Variants in PLPPR5 observed in about 807,000 individuals in gnomAD.
PLPPR5 encodes the protein phospholipid phosphatase related 5, also known as phospholipid phosphatase-related protein type 5.
Under a neutral mutation model 33.9 loss-of-function variants are expected in PLPPR5, and 16 were observed. That is an observed-to-expected ratio of 0.47 (90% CI 0.32 to 0.72). The LOEUF is 0.72. Among genes scored for constraint, PLPPR5 ranks in the 30% least tolerant of loss-of-function variants. The probability of loss-of-function intolerance (pLI) is 0.03; values close to 1 mark genes in which losing one functional copy is unlikely to be tolerated. For synonymous variants in PLPPR5, 163 were observed against 150.3 expected, an observed-to-expected ratio of 1.08 and a Z score of -0.62; for missense variants, 301 against 406.7, an observed-to-expected ratio of 0.74 and a Z score of 2.23.
chr1:98,941,347 G>C lies in PLPPR5; in HGVS notation c.621+11723C>G, dbSNP rs576678014. ...AAGACAAGGATCTGAAGAGGCTCTT[G>C]ATAAGATCTGGGGGATGAGGTCTGA... On this transcript the variant is annotated intron_variant, in intron 3 of 5. Coordinates refer to ENST00000263177, the MANE Select transcript of PLPPR5 (RefSeq NM_001037317.2). Among the ~76,000 whole-genome samples, 115 of 151,980 alleles carry C rather than the reference G, an allele frequency of 7.6e-4. 6 individuals carry two copies. The South Asian group carries it at 0.022, about 29-fold the overall frequency.
At chr1:98,959,317 C>T (rs1651138959) in intron 1 of PLPPR5, among the ~76,000 whole-genome samples, 1 of 152,226 alleles carries the variant, frequency 6.6e-6, no homozygotes, top group Admixed American at 6.5e-5. Context: ...TGCTTGCCTG[C>T]ATCTCAGCAC....
At chr1:98,984,810 C>T (rs2100755361) in intron 1 of PLPPR5, among the ~76,000 whole-genome samples, 1 of 151,912 alleles carries the variant, frequency 6.6e-6, no homozygotes, top group African/African-American at 2.4e-5. Context: ...GGTATCCATG[C>T]TGAGTCCAGG....
intron 1 of PLPPR5, among the ~76,000 whole-genome samples, chr1:98,984,771 A>G (rs990905751): frequency 1.3e-5 from 2 of 152,006 alleles, no homozygotes; most frequent in East Asian, 1.9e-4. Flanking sequence ...TTAGGACCTC[A>G]GGTAGAGCAG....
chr1:98,986,273 T>C (rs1047331423), intron 1 of PLPPR5, among the ~76,000 whole-genome samples: 1 of 151,906 alleles, frequency 6.6e-6, no homozygotes, highest in African/African-American at 2.4e-5. Context: ...TATTTAGGTA[T>C]GTTAGTAAAC....
Position 98,891,494 on chromosome 1 carries a change from A to G in PLPPR5, c.*1578T>C, listed in dbSNP as rs1232969287. The stretch of plus-strand genomic sequence containing the variant: ...AATTATTGCAAAGTTATTGTTGAGG[A>G]GCTCACCTTCCTTATATTATGGCGA... On this transcript the variant is annotated 3_prime_UTR_variant, in exon 6 of 6. Coordinates refer to ENST00000263177, the MANE Select transcript of PLPPR5 (RefSeq NM_001037317.2). 1.3e-5 allele frequency: 2 copies of G among 152,028 alleles called. No homozygotes were observed. Among genetic ancestry groups the G allele is most frequent in the African/African-American group, 2.4e-5 (1 of 41,410 alleles). The allele number at this position is 152,028 out of a possible 1,614,324, so 9.4% of individuals were successfully genotyped here. A position where few individuals can be genotyped will look rare whatever the true frequency, so the allele number is the denominator to read the frequency against.
chr1:98,935,433 G>A (rs1477953656), intron 3 of PLPPR5, among the ~76,000 whole-genome samples: 2 of 152,080 alleles, frequency 1.3e-5, no homozygotes, highest in East Asian at 1.9e-4. Flanking sequence ...TAGGTAATAC[G>A]ACTGTTCACC....
At chr1:98,993,624 G>T (rs916631684) in intron 1 of PLPPR5, among the ~76,000 whole-genome samples, 110 of 152,038 alleles carry the variant, frequency 7.2e-4, no homozygotes, top group African/African-American at 2.6e-3. Flanking sequence ...AATTTTAGGG[G>T]TTCATTTTAA....
intron 4 of PLPPR5, among the ~76,000 whole-genome samples, chr1:98,915,372 C>G (rs954218675): frequency 7.9e-5 from 12 of 152,196 alleles, no homozygotes; most frequent in African/African-American, 2.6e-4. Flanking sequence ...AATTGGTACT[C>G]TCTAACTTAG....
At chr1:98,911,755 T>C (rs919036242) in intron 5 of PLPPR5, among the ~76,000 whole-genome samples, 1 of 148,142 alleles carries the variant, frequency 6.8e-6, no homozygotes, top group Non-Finnish European at 1.5e-5. Context: ...TCACAACCCT[T>C]TTTTTTTTTA....
chr1:98,901,851 T>C (rs1648705180), intron 5 of PLPPR5, among the ~76,000 whole-genome samples: 1 of 152,090 alleles, frequency 6.6e-6, no homozygotes, highest in South Asian at 2.1e-4. Context: ...GTATTACTTA[T>C]AATTGTGGAA....
intron 1 of PLPPR5, among the ~76,000 whole-genome samples, chr1:98,973,999 G>A (rs1309824491): frequency 1.3e-5 from 2 of 151,930 alleles, no homozygotes; most frequent in East Asian, 3.9e-4. Flanking sequence ...GTCTGGTGTA[G>A]TAAATCCTTT....
chr1:98,947,465 T>C (rs936185033), intron 3 of PLPPR5, among the ~76,000 whole-genome samples: 1 of 152,228 alleles, frequency 6.6e-6, no homozygotes, highest in African/African-American at 2.4e-5. Flanking sequence ...AACTGTTTAT[T>C]ATCATCCAAG....
At chr1:98,942,800 G>C (rs1650423958) in intron 3 of PLPPR5, among the ~76,000 whole-genome samples, 1 of 152,206 alleles carries the variant, frequency 6.6e-6, no homozygotes, top group Non-Finnish European at 1.5e-5. Flanking sequence ...GCCTTGAGGG[G>C]TGGACACCTC....
chr1:99,003,014 G>C (rs138838288), intron 1 of PLPPR5, among the ~76,000 whole-genome samples: 5 of 137,426 alleles, frequency 3.6e-5, no homozygotes, highest in African/African-American at 1.4e-4. Flanking sequence ...AAACATGAAG[G>C]CTGGATTTGG....
intron 3 of PLPPR5, among the ~76,000 whole-genome samples, chr1:98,932,446 G>A (rs891699869): frequency 5.3e-5 from 8 of 152,096 alleles, no homozygotes; most frequent in East Asian, 1.9e-4. Context: ...ATAAATGAAC[G>A]TACTGCTTTG....
At chr1:98,929,362 C>A (rs1242577478) in intron 3 of PLPPR5, among the ~76,000 whole-genome samples, 1 of 152,172 alleles carries the variant, frequency 6.6e-6, no homozygotes, top group Non-Finnish European at 1.5e-5. Context: ...ATAATGTATT[C>A]TAACTTATGG....
chr1:98,984,998 A>G (rs140489300), intron 1 of PLPPR5, among the ~76,000 whole-genome samples: 210 of 152,208 alleles, frequency 1.4e-3, no homozygotes, highest in Non-Finnish European at 2.4e-3. Flanking sequence ...ATTTGTATCT[A>G]TAAGAAAAAC....
upstream of PLPPR5, among the ~76,000 whole-genome samples, chr1:99,005,407 T>C (rs72646198): frequency 0.083 from 12,669 of 152,148 alleles, 657 homozygotes; most frequent in East Asian, 0.26. Context: ...CGGTGGTTTC[T>C]AGGCGCTGTT....
At chr1:98,979,443 C>A (rs998197524) in intron 1 of PLPPR5, among the ~76,000 whole-genome samples, 1 of 152,016 alleles carries the variant, frequency 6.6e-6, no homozygotes, top group African/African-American at 2.4e-5. Context: ...AGAGCCTATA[C>A]AAACGTAAGG....
Sources: allele counts gnomAD v4.1 joint callset (sites outside exome capture counted in the v4.1 genomes callset), GRCh38; gene constraint gnomAD v4.1.1; transcripts MANE v1.5; gene names NCBI Gene and HGNC (gene_info 2026-07-23, HGNC 2026-07-21).